Variants in CAST observed in about 807,000 individuals in gnomAD.
CAST encodes MIR583 host.
CAST carries 76 observed loss-of-function variants against 119.6 expected under a neutral mutation model. That is an observed-to-expected ratio of 0.64 (90% CI 0.53 to 0.77). The LOEUF (loss-of-function observed/expected upper bound fraction) is 0.77, where lower values mean the gene tolerates loss of function less well. Among genes scored for constraint, CAST ranks in the 30% least tolerant of loss-of-function variants. CAST has a pLI of 0.00. For missense variants in CAST, 953 were observed against 946.5 expected (o/e 1.01, Z -0.09); for synonymous variants, 319 against 331.6 (o/e 0.96, Z 0.41).
the CAST span, among the ~76,000 whole-genome samples, chr5:96,508,680 T>C: frequency 2.9e-4 from 44 of 152,122 alleles, no homozygotes; most frequent in South Asian, 8.3e-4. Flanking sequence ...AGGCGCTACA[T>C]CGGGGAGGAG....
At chr5:95,965,307 G>T in the CAST span, 1 of 152,116 alleles carries the variant, frequency 6.6e-6, no homozygotes, top group African/African-American at 2.4e-5. Context: ...TAACACTTAA[G>T]TTAAAAATTT....
At chr5:96,029,420 A>G in the CAST span, among the ~76,000 whole-genome samples, 3 of 152,148 alleles carry the variant, frequency 2.0e-5, no homozygotes, top group Non-Finnish European at 4.4e-5. Context: ...TATAGATAGA[A>G]TGAAACTTCA....
chr5:96,722,658 C>G lies in CAST; in HGVS notation c.230C>G (p.Ala77Gly). 6.2e-7 allele frequency: 1 copy of G among 1,612,994 alleles called. No homozygotes were observed. The highest frequency in any genetic ancestry group is 8.5e-7 in the Non-Finnish European group (1 of 1,178,928). The change falls in exon 4 of 32, where the codon GCA becomes GGA. Residue 77 changes from alanine (A) to glycine (G), a missense_variant. Ala to Gly is a moderately conservative substitution (Grantham distance 60). Coordinates refer to ENST00000675179, the MANE Select transcript of CAST (RefSeq NM_001750.7). Reference sequence around the variant, plus strand: ...TTCTAGGTGTCAGCTTCCTCTGGTGCAACCAGCAAGTCTTCCAGTATGAAT... The same window carrying G: ...TTCTAGGTGTCAGCTTCCTCTGGTGGAACCAGCAAGTCTTCCAGTATGAAT... Reference protein sequence around the residue: ...SATKVSASSGATSKSSSMNPT... With the variant: ...SATKVSASSGGTSKSSSMNPT...
intron 2 of CAST, among the ~76,000 whole-genome samples, chr5:96,692,974 C>CA (rs1293523710): frequency 6.6e-6 from 1 of 152,088 alleles, no homozygotes; most frequent in Non-Finnish European, 1.5e-5. Context: ...GAAAGGGGGC[C>CA]AAAACAACAT....
At chr5:95,998,671 G>T in the CAST span, among the ~76,000 whole-genome samples, 6 of 152,148 alleles carry the variant, frequency 3.9e-5, no homozygotes, top group Admixed American at 3.3e-4. Context: ...TAAATACTTA[G>T]GTTGATTTCA....
chr5:96,266,601 C>A, the CAST span, among the ~76,000 whole-genome samples: 3 of 152,026 alleles, frequency 2.0e-5, no homozygotes, highest in Admixed American at 6.6e-5. Flanking sequence ...GGGCTTGAGG[C>A]ACTATCTAGT....
At chr5:96,478,719 C>A in the CAST span, among the ~76,000 whole-genome samples, 1 of 152,174 alleles carries the variant, frequency 6.6e-6, no homozygotes, top group East Asian at 1.9e-4. Context: ...TGACTTTTAC[C>A]TAATGAGAAG....
At chr5:96,168,014 T>C in the CAST span, among the ~76,000 whole-genome samples, 13 of 152,276 alleles carry the variant, frequency 8.5e-5, no homozygotes, top group East Asian at 3.9e-4. Context: ...GGTGGGCTAG[T>C]GGCTTGTAAC....
the CAST span, among the ~76,000 whole-genome samples, chr5:96,184,990 T>G: frequency 6.6e-6 from 1 of 152,218 alleles, no homozygotes; most frequent in East Asian, 1.9e-4. Flanking sequence ...ACTGCATTCC[T>G]TTTTCTCCAC....
At chr5:96,183,912 GA>G in the CAST span, among the ~76,000 whole-genome samples, 2 of 152,128 alleles carry the variant, frequency 1.3e-5, no homozygotes, top group African/African-American at 2.4e-5. Context: ...GATTTAGCTG[GA>G]GTTATGAATT....
the CAST span, among the ~76,000 whole-genome samples, chr5:96,228,311 G>A: frequency 6.6e-6 from 1 of 152,098 alleles, no homozygotes; most frequent in East Asian, 1.9e-4. Context: ...CAGTTTTTCT[G>A]TTACTCATAC....
chr5:96,623,428 C>T (rs1339901338), intron 1 of CAST, among the ~76,000 whole-genome samples: 4 of 152,080 alleles, frequency 2.6e-5, no homozygotes, highest in South Asian at 2.1e-4. Context: ...AGTTTGAGCC[C>T]GGACACTCTA....
the CAST span, among the ~76,000 whole-genome samples, chr5:96,128,572 T>C: frequency 6.6e-6 from 1 of 152,094 alleles, no homozygotes; most frequent in Non-Finnish European, 1.5e-5. Flanking sequence ...AGCGACACTA[T>C]CCTCCAACCT....
chr5:96,670,717 C>CGAACTCCT (rs913169615), intron 1 of CAST, among the ~76,000 whole-genome samples: 2 of 152,190 alleles, frequency 1.3e-5, no homozygotes, highest in African/African-American at 4.8e-5. Flanking sequence ...AGGCTGGTCT[C>CGAACTCCT]GAACTCCTGA....
In CAST at chr5:96,619,536, G is replaced by C. The variant is rs1016632831; in HGVS notation, c.61-56003G>C. On this transcript the variant is annotated intron_variant, in intron 1 of 11. Transcript: ENST00000505143. Reference sequence around the variant, plus strand: ...CCTGCTGGGTCCTCTTCCACAGTGTGGTAGCTTTGTTCTTTTGCTTTTTGC... The same window carrying C: ...CCTGCTGGGTCCTCTTCCACAGTGTCGTAGCTTTGTTCTTTTGCTTTTTGC... Among the ~76,000 whole-genome samples the C allele has an allele frequency of 4.6e-5, 7 of 152,308 alleles. No homozygotes were observed. The East Asian group carries it at 1.4e-3, about 29-fold the overall frequency.
the CAST span, among the ~76,000 whole-genome samples, chr5:96,349,610 C>T: frequency 1.6e-4 from 25 of 152,222 alleles, no homozygotes; most frequent in African/African-American, 5.8e-4. Context: ...AGGATGTTAG[C>T]TGCTGAAAAA....
chr5:96,649,793 C>T (rs1458267471), intron 1 of CAST, among the ~76,000 whole-genome samples: 1 of 152,170 alleles, frequency 6.6e-6, no homozygotes, highest in East Asian at 1.9e-4. Flanking sequence ...TCAAATGTAA[C>T]ATGTTCCTGT....
chr5:96,042,647 A>G, the CAST span, among the ~76,000 whole-genome samples: 7 of 152,176 alleles, frequency 4.6e-5, no homozygotes, highest in Admixed American at 1.3e-4. Context: ...AATGATTATC[A>G]TAGTAAAAAG....
the CAST span, among the ~76,000 whole-genome samples, chr5:96,447,657 T>C: frequency 6.6e-6 from 1 of 152,240 alleles, no homozygotes; most frequent in African/African-American, 2.4e-5. Flanking sequence ...TCAAAGCTTC[T>C]GATTTTAGAA....
Sources: allele counts gnomAD v4.1 joint callset (sites outside exome capture counted in the v4.1 genomes callset), GRCh38; gene constraint gnomAD v4.1.1; transcripts MANE v1.5; gene names NCBI Gene and HGNC (gene_info 2026-07-23, HGNC 2026-07-21).